MKX: variants seen among roughly 807,000 people sequenced by gnomAD.
MKX encodes homeobox protein Mohawk.
MKX carries 13 observed loss-of-function variants against 36.0 expected under a neutral mutation model. That is an observed-to-expected ratio of 0.36 (90% CI 0.24 to 0.57). The LOEUF (loss-of-function observed/expected upper bound fraction) is 0.57, where lower values mean the gene tolerates loss of function less well. MKX is among the 20% of genes least tolerant of loss of function. The probability of loss-of-function intolerance (pLI) is 0.79; values close to 1 mark genes in which losing one functional copy is unlikely to be tolerated. For missense variants in MKX, 458 were observed against 456.4 expected, an observed-to-expected ratio of 1.00 and a Z score of -0.03; for synonymous variants, 176 against 178.3, an observed-to-expected ratio of 0.99 and a Z score of 0.10.
chr10:27,695,721 TA>T (rs1369476453), intron 5 of MKX, among the ~76,000 whole-genome samples: 1 of 152,030 alleles, frequency 6.6e-6, no homozygotes, highest in Non-Finnish European at 1.5e-5. Flanking sequence ...CTACTAAAGG[TA>T]AAAATGCATT....
At chr10:27,720,754 A>G (rs941496300) in intron 5 of MKX, among the ~76,000 whole-genome samples, 1 of 152,174 alleles carries the variant, frequency 6.6e-6, no homozygotes, top group Non-Finnish European at 1.5e-5. Context: ...CTGTGAGTCA[A>G]TGATGTTTTG....
chr10:27,713,853 A>G (rs1836915314), intron 5 of MKX, among the ~76,000 whole-genome samples: 1 of 152,084 alleles, frequency 6.6e-6, no homozygotes, highest in Non-Finnish European at 1.5e-5. Flanking sequence ...TTGCCATGAT[A>G]AACAATGGCG....
intron 5 of MKX, among the ~76,000 whole-genome samples, chr10:27,704,742 C>G (rs1836719444): frequency 6.6e-6 from 1 of 152,022 alleles, no homozygotes; most frequent in Admixed American, 6.6e-5. Context: ...AAAATTGAGA[C>G]CATAGAAATC....
chr10:27,742,287 G>C lies in MKX; in HGVS notation c.189-783C>G, dbSNP rs1262165382. Among the ~76,000 whole-genome samples, 3 of 152,144 alleles carry C rather than the reference G, an allele frequency of 2.0e-5. No homozygotes were observed. The highest frequency in any genetic ancestry group is 4.4e-5 in the Non-Finnish European group (3 of 68,000). ...GGGCGCTGCGCTCCCTCACGGGTCCGGGAGGTGTCGCGCGCGGCCGCCAGC... is the reference window on the plus strand; with the variant it reads ...GGGCGCTGCGCTCCCTCACGGGTCCCGGAGGTGTCGCGCGCGGCCGCCAGC... On this transcript the variant is annotated intron_variant, in intron 2 of 6. Coordinates refer to ENST00000419761, the MANE Select transcript of MKX (RefSeq NM_173576.3). The surrounding 1 kb of genome is among the most constrained non-coding windows in gnomAD (Gnocchi z 4.2).
At chr10:27,711,502 C>CTTTTT (rs1325299205) in intron 5 of MKX, among the ~76,000 whole-genome samples, 1 of 52,478 alleles carries the variant, frequency 1.9e-5, no homozygotes, top group African/African-American at 9.4e-5. Context: ...TCTCTTCTTT[C>CTTTTT]CTTCCTTCCT....
intron 5 of MKX, among the ~76,000 whole-genome samples, chr10:27,676,540 G>T (rs1256412999): frequency 6.6e-6 from 1 of 151,806 alleles, no homozygotes; most frequent in East Asian, 1.9e-4. Context: ...ACCAAGCCCG[G>T]CTAATTTTTG....
intron 5 of MKX, among the ~76,000 whole-genome samples, chr10:27,714,814 GAT>G (rs1836934847): frequency 6.6e-6 from 1 of 152,230 alleles, no homozygotes; most frequent in South Asian, 2.1e-4. Flanking sequence ...CTTAAACCTT[GAT>G]TAGATGTAAA....
intron 5 of MKX, among the ~76,000 whole-genome samples, chr10:27,678,088 T>C (rs1270432445): frequency 6.6e-6 from 1 of 152,258 alleles, no homozygotes; most frequent in Non-Finnish European, 1.5e-5. Flanking sequence ...GAGTACTTTG[T>C]GTCCTAATTT....
chr10:27,701,659 TTAA>T (rs1836658394), intron 5 of MKX, among the ~76,000 whole-genome samples: 1 of 145,104 alleles, frequency 6.9e-6, no homozygotes, highest in Admixed American at 6.9e-5. Context: ...TACTAATATA[TTAA>T]TATGTTATTT....
intron 5 of MKX, among the ~76,000 whole-genome samples, chr10:27,716,915 G>A (rs1402257101): frequency 6.6e-6 from 1 of 152,160 alleles, no homozygotes; most frequent in Non-Finnish European, 1.5e-5. Flanking sequence ...ACCTTAAATA[G>A]GAAGATTATC....
In MKX at chr10:27,743,335, G is replaced by A. The variant is rs1324987781; in HGVS notation, c.81C>T (p.Gly27=). 2.5e-6 allele frequency: 4 copies of A among 1,583,470 alleles called. No homozygotes were observed. The highest frequency in any genetic ancestry group is 3.4e-6 in the Non-Finnish European group (4 of 1,167,876). Residue 27 remains glycine (G), a synonymous_variant, in exon 2 of 7, where the codon GGC becomes GGT. Transcript: ENST00000419761. Reference sequence around the variant, plus strand: ...TGTCCAGGACACCGCTGTAGGGCCGGCCACCCCGCTCCCGCTCCGAGGCGC... The same window carrying A: ...TGTCCAGGACACCGCTGTAGGGCCGACCACCCCGCTCCCGCTCCGAGGCGC... The part of the protein sequence containing the change: ...DGGASERERG[G]RPYSGVLDSP...
Position 27,743,483 on chromosome 10 carries a change from A to G in MKX, c.-68T>C, listed in dbSNP as rs2132660694. ...GGGGCTGGGCCGCCGGGAGCTCCGC[A>G]GCGGGGCTCGGCTTCTAGGAGAGGA... On this transcript the variant is annotated 5_prime_UTR_variant, in exon 2 of 7. Coordinates refer to ENST00000419761, the MANE Select transcript of MKX (RefSeq NM_173576.3). The G allele has an allele frequency of 7.0e-7, 1 of 1,429,820 alleles. No homozygotes were observed. The highest frequency in any genetic ancestry group is 2.9e-5 in the East Asian group (1 of 34,012). 88.6% of individuals were successfully genotyped at this position (1,429,820 alleles called of 1,614,324 possible).
chr10:27,673,820 T>A lies in MKX; in HGVS notation c.*1409A>T, dbSNP rs1836092483. On this transcript the variant is annotated 3_prime_UTR_variant, in exon 7 of 7. Coordinates refer to ENST00000419761, the MANE Select transcript of MKX (RefSeq NM_173576.3). ...GCATTTTGCAAAATAAAGAAAAATG[T>A]CACCACTGGCTGCACTATTGACCCT... 6.6e-6 allele frequency: 1 copy of A among 152,328 alleles called. No individual in the cohort carries two copies. The highest frequency in any genetic ancestry group is 2.4e-5 in the African/African-American group (1 of 41,370). 9.4% of individuals were successfully genotyped at this position (152,328 alleles called of 1,614,324 possible). A position where few individuals can be genotyped will look rare whatever the true frequency, so the allele number is the denominator to read the frequency against.
At chr10:27,687,075 C>T (rs1200950780) in intron 5 of MKX, among the ~76,000 whole-genome samples, 1 of 151,640 alleles carries the variant, frequency 6.6e-6, no homozygotes, top group Non-Finnish European at 1.5e-5. Context: ...GGCACGATCT[C>T]GGTTCACTGC....
At chr10:27,721,804 A>G (rs1164858500) in intron 5 of MKX, among the ~76,000 whole-genome samples, 1 of 152,190 alleles carries the variant, frequency 6.6e-6, no homozygotes, top group African/African-American at 2.4e-5. Flanking sequence ...ATCAAATGTC[A>G]TGCTATTAAT....
chr10:27,708,335 C>T (rs1220422010), intron 5 of MKX, among the ~76,000 whole-genome samples: 2 of 152,114 alleles, frequency 1.3e-5, no homozygotes, highest in East Asian at 1.9e-4. Flanking sequence ...GGCCTTCTCC[C>T]GTATACCTAA....
Position 27,711,495 on chromosome 10 carries a change from C to T in MKX, c.838+22961G>A, listed in dbSNP as rs376237504. ...TCTTTCTTTCTTTCTCTCTCTCTCT[C>T]TTCTTTCCTTCCTTCCTTCCTTCCT... On this transcript the variant is annotated intron_variant, in intron 5 of 6. Coordinates refer to ENST00000419761, the MANE Select transcript of MKX (RefSeq NM_173576.3). 3.7e-3 allele frequency among the ~76,000 whole-genome samples: 122 copies of T among 32,852 alleles called. 2 individuals are homozygous for T. The highest frequency in any genetic ancestry group is 0.012 in the African/African-American group (115 of 9,548). 21.6% of individuals were successfully genotyped at this position (32,852 alleles called of 152,430 possible). A position where few individuals can be genotyped will look rare whatever the true frequency, so the allele number is the denominator to read the frequency against.
intron 5 of MKX, among the ~76,000 whole-genome samples, chr10:27,695,482 T>C (rs1411525992): frequency 6.6e-6 from 1 of 152,164 alleles, no homozygotes; most frequent in African/African-American, 2.4e-5. Context: ...TAACCAGTTC[T>C]ATTATCCAGC....
At position 27,718,403 on chromosome 10, in the gene MKX, C is replaced by T. The variant is rs747599792; in HGVS notation, c.838+16053G>A. Among the ~76,000 whole-genome samples the T allele has an allele frequency of 1.2e-4, 18 of 151,930 alleles. 1 individual carries two copies. The highest frequency in any genetic ancestry group is 5.2e-4 in the Admixed American group (8 of 15,250). On this transcript the variant is annotated intron_variant, in intron 5 of 6. Transcript: ENST00000419761. ...TAATTTTAGTCAATTACATTTGTAG[C>T]GCTAGCGAAAATTATTAAAATAACC...
Sources: gnomAD v4.1 joint callset for allele counts (sites outside exome capture counted in the v4.1 genomes callset) on GRCh38, gnomAD v4.1.1 for gene constraint, Gnocchi (gnomAD v3.1) non-coding constraint, MANE v1.5 for transcripts, NCBI Gene and HGNC (gene_info 2026-07-23, HGNC 2026-07-21) for gene names.